Variants in GPLD1 observed in about 807,000 individuals in gnomAD.
GPLD1 encodes glycosylphosphatidylinositol specific phospholipase D1.
Under a neutral mutation model 112.6 loss-of-function variants are expected in GPLD1, and 84 were observed. The observed-to-expected ratio is 0.75, with a 90% CI of 0.63 to 0.89. The LOEUF (loss-of-function observed/expected upper bound fraction) is 0.89, where lower values mean the gene tolerates loss of function less well. Ranked by LOEUF, GPLD1 falls within the 40% of genes least tolerant of loss-of-function variation. The pLI is 0.00. For missense variants in GPLD1, 1,044 were observed against 1,051.5 expected (o/e 0.99, Z 0.10); for synonymous variants, 386 against 403.8 (o/e 0.96, Z 0.53).
At chr6:24,425,692 A>G (rs2127301519), downstream of GPLD1, 1 of 152,310 alleles carries the variant, frequency 6.6e-6, no homozygotes, top group Admixed American at 6.5e-5. Context: ...TGAGTAAGCA[A>G]TCATATCGCC....
rs568498650 is a variant in GPLD1 at position 24,449,802 on chromosome 6, T to C, written c.1433A>G (p.Gln478Arg). The C allele has an allele frequency of 6.2e-7, 1 of 1,610,544 alleles. No homozygotes were observed. Among genetic ancestry groups the C allele is most frequent in the East Asian group, 2.2e-5 (1 of 44,834 alleles). The change falls in exon 15 of 25, where the codon CAG (glutamine) becomes CGG (arginine). Residue 478 changes from glutamine to arginine, a missense_variant. Physicochemically the swap from Gln to Arg is conservative, Grantham distance 43. Coordinates refer to ENST00000230036, the MANE Select transcript of GPLD1 (RefSeq NM_001503.4). Reference protein sequence around the residue: ...AVGAPSVGSEQLTYKGAVYVY... With the variant: ...AVGAPSVGSERLTYKGAVYVY... ...CAGCAGCCTTACTTTGTAGGTGAGC[T>C]GCTCGGAGCCCACCGAGGGAGCTCC...
At chr6:24,490,027 T>C (rs575266868), upstream of GPLD1, among the ~76,000 whole-genome samples, 53 of 152,328 alleles carry the variant, frequency 3.5e-4, no homozygotes, top group African/African-American at 1.1e-3. Flanking sequence ...GAAAGTTTTA[T>C]GGTAATCAGC....
At chr6:24,490,969 ATAAACT>A (rs939964638), upstream of GPLD1, among the ~76,000 whole-genome samples, 8 of 152,190 alleles carry the variant, frequency 5.3e-5, no homozygotes, top group African/African-American at 1.9e-4. Flanking sequence ...AGGATGTTTT[ATAAACT>A]TAAATCAAGT....
Position 24,446,954 on chromosome 6 carries a change from G to C in GPLD1, c.1704C>G (p.Asn568Lys). The C allele has an allele frequency of 1.9e-6, 3 of 1,613,562 alleles. No homozygotes were observed. Among genetic ancestry groups the C allele is most frequent in the South Asian group, 2.2e-5 (2 of 90,980 alleles). The change falls in exon 18 of 25, where the codon AAC becomes AAG. Residue 568 changes from asparagine to lysine, a missense_variant. Coordinates refer to ENST00000230036, the MANE Select transcript of GPLD1 (RefSeq NM_001503.4). ...DKEKLNVEAA[N>K]WTVRGEEDFS... ...AGTCTTCCTCGCCTCTCACCGTCCAGTTGGCTGCCTCCACGTTCAGTTTTT... is the reference window on the plus strand; with the variant it reads ...AGTCTTCCTCGCCTCTCACCGTCCACTTGGCTGCCTCCACGTTCAGTTTTT...
chr6:24,488,304 C>T (rs1764444804), intron 1 of GPLD1, among the ~76,000 whole-genome samples: 1 of 151,250 alleles, frequency 6.6e-6, no homozygotes, highest in Admixed American at 6.6e-5. Context: ...CCCAGCTACT[C>T]GGGAGGTTGA....
intron 7 of GPLD1, among the ~76,000 whole-genome samples, chr6:24,472,091 T>C (rs1395095807): frequency 6.6e-6 from 1 of 151,928 alleles, no homozygotes; most frequent in Non-Finnish European, 1.5e-5. Context: ...TACTCACAAA[T>C]AAATAAAAAG....
At position 24,489,467 on chromosome 6, in the gene GPLD1, A is replaced by G; in HGVS notation, c.45T>C (p.Gly15=). 1 of 1,614,026 alleles carries G rather than the reference A, an allele frequency of 6.2e-7. No individual in the cohort carries two copies. The part of the protein sequence containing the change: ...RLWPGLLIML[G]SLCHRGSPCG... ...ACGGTGAACCTCTATGGCAGAGAGA[A>G]CCCAACATGATCAGCAGGCCAGGCC... The change falls in exon 1 of 25, where the codon GGT becomes GGC. Residue 15 remains glycine, a synonymous_variant. Transcript: ENST00000230036.
At chr6:24,446,707 G>C (rs1259409579) in intron 18 of GPLD1, 131 bp downstream of exon 18, 1 of 804,088 alleles carries the variant, frequency 1.2e-6, no homozygotes, top group African/African-American at 1.8e-5. Flanking sequence ...ATCTTGCCCA[G>C]AGCCTTGGCT....
At chr6:24,491,041 C>G (rs1214594913), upstream of GPLD1, among the ~76,000 whole-genome samples, 1 of 152,164 alleles carries the variant, frequency 6.6e-6, no homozygotes. Flanking sequence ...TTCTGGCTCT[C>G]TTAAAAACAA....
At chr6:24,431,996 C>CA (rs548251551) in intron 24 of GPLD1, among the ~76,000 whole-genome samples, 5 of 150,992 alleles carry the variant, frequency 3.3e-5, no homozygotes, top group African/African-American at 7.3e-5. Flanking sequence ...CTGTAATAGC[C>CA]AAAAAAAATG....
At chr6:24,448,751 G>A (rs1484876823) in intron 15 of GPLD1, among the ~76,000 whole-genome samples, 1 of 152,064 alleles carries the variant, frequency 6.6e-6, no homozygotes, top group Non-Finnish European at 1.5e-5. Flanking sequence ...TTGTACCCAT[G>A]GCACATCTGA....
At chr6:24,480,565 GCACA>G (rs1283348088) in intron 2 of GPLD1, among the ~76,000 whole-genome samples, 1 of 152,038 alleles carries the variant, frequency 6.6e-6, no homozygotes, top group Non-Finnish European at 1.5e-5. Context: ...ACGTACGCAC[GCACA>G]CAAACAAGCA....
At chr6:24,484,299 C>T (rs1221223269) in intron 2 of GPLD1, among the ~76,000 whole-genome samples, 10 of 151,902 alleles carry the variant, frequency 6.6e-5, no homozygotes, top group African/African-American at 2.2e-4. Flanking sequence ...TCAGCCTCTA[C>T]CTCCCGGGTT....
intron 3 of GPLD1, 88 bp downstream of exon 3, chr6:24,479,793 C>T: frequency 1.5e-6 from 1 of 670,572 alleles, no homozygotes; most frequent in Non-Finnish European, 2.6e-6. Context: ...ATATATTGTA[C>T]ACACATATAT....
chr6:24,433,368 G>A lies in GPLD1; in HGVS notation c.2380C>T (p.Pro794Ser), dbSNP rs1297838607. ...EEKAQYVLIS[P>S]EASSRFGSSL... Reference sequence around the variant, plus strand: ...GTCTTTCAAGGGATACTTACTTCAGGAGAAATCAATACATATTGGGCCTGA... The same window carrying A: ...GTCTTTCAAGGGATACTTACTTCAGAAGAAATCAATACATATTGGGCCTGA... Residue 794 changes from proline (P) to serine (S), a missense_variant, in exon 23 of 25, where the codon CCT (proline) becomes TCT (serine). Coordinates refer to ENST00000230036, the MANE Select transcript of GPLD1 (RefSeq NM_001503.4). 1 of 1,608,562 alleles carries A rather than the reference G, an allele frequency of 6.2e-7. No homozygotes were observed. Among genetic ancestry groups the A allele is most frequent in the Admixed American group, 1.7e-5 (1 of 59,976 alleles).
chr6:24,427,054 G>A lies in GPLD1; in HGVS notation c.*1978C>T, dbSNP rs1762258594. On this transcript the variant is annotated 3_prime_UTR_variant, in exon 25 of 25. Coordinates refer to ENST00000230036, the MANE Select transcript of GPLD1 (RefSeq NM_001503.4). The stretch of plus-strand genomic sequence containing the variant: ...TCTTGAGAGAAGCTGAGAAGAGAAG[G>A]GCTCTTCTCATTTGTTATTTTCTCC... Among the ~76,000 whole-genome samples, 1 of 152,104 alleles carries A rather than the reference G, an allele frequency of 6.6e-6. No homozygotes were observed. The highest frequency in any genetic ancestry group is 2.1e-4 in the South Asian group (1 of 4,812).
intron 6 of GPLD1, 195 bp downstream of exon 6, chr6:24,473,424 T>C (rs1763893729): frequency 2.4e-6 from 1 of 412,852 alleles, no homozygotes; most frequent in Non-Finnish European, 4.5e-6. Context: ...AAAAAATACA[T>C]ATAGACACAA....
intron 1 of GPLD1, among the ~76,000 whole-genome samples, chr6:24,488,635 G>A (rs1482005483): frequency 6.6e-6 from 1 of 152,114 alleles, no homozygotes; most frequent in East Asian, 1.9e-4. Context: ...ATGTGGGGGG[G>A]GCGGATGTGT....
At chr6:24,444,119 A>G (rs1386467033) in intron 20 of GPLD1, among the ~76,000 whole-genome samples, 1 of 152,216 alleles carries the variant, frequency 6.6e-6, no homozygotes, top group African/African-American at 2.4e-5. Context: ...CCAGGAATCT[A>G]TCCAAAAAAC....
Sources: gnomAD v4.1 joint callset for allele counts (sites outside exome capture counted in the v4.1 genomes callset) on GRCh38, gnomAD v4.1.1 for gene constraint, MANE v1.5 for transcripts, NCBI Gene and HGNC (gene_info 2026-07-23, HGNC 2026-07-21) for gene names.